IRF5: variants seen among roughly 807,000 people sequenced by gnomAD.
IRF5 encodes interferon regulatory factor 5.
Under a neutral mutation model 55.1 loss-of-function variants are expected in IRF5, and 24 were observed. That is an observed-to-expected ratio of 0.44 (90% CI 0.32 to 0.61). The LOEUF (loss-of-function observed/expected upper bound fraction) is 0.61. IRF5 is among the 20% of genes least tolerant of loss of function. IRF5 has a pLI of 0.07. For missense variants in IRF5, 499 were observed against 658.5 expected (o/e 0.76, Z 2.65); for synonymous variants, 258 against 260.2 (o/e 0.99, Z 0.08).
rs1796322434 is a variant in IRF5 at position 128,946,663 on chromosome 7, C to G, written c.447+101C>G. 3 of 780,008 alleles carry G rather than the reference C, an allele frequency of 3.8e-6. No individual in the cohort carries two copies. In the African/African-American group the frequency reaches 5.1e-5, roughly 13 times the overall value. The allele number at this position is 780,008 out of a possible 1,614,324, so 48.3% of individuals were successfully genotyped here. A position where few individuals can be genotyped will look rare whatever the true frequency, so the allele number is the denominator to read the frequency against. ...GCCCCACTCCCATGGAGCCCCGTGG[C>G]CCTCTCAATAGTTCTCCTTGTTTCT... On this transcript the variant is annotated intron_variant, in intron 4 of 8. Coordinates refer to ENST00000357234, the MANE Select transcript of IRF5 (RefSeq NM_001098629.3). The surrounding 1 kb of genome is among the most constrained non-coding windows in gnomAD (Gnocchi z 4.2).
chr7:128,942,242 G>A lies in IRF5; in HGVS notation c.161G>A (p.Gly54Asp). The A allele has an allele frequency of 1.9e-6, 3 of 1,613,756 alleles. No individual in the cohort carries two copies. The highest frequency in any genetic ancestry group is 2.5e-6 in the Non-Finnish European group (3 of 1,179,836). ...CCCTGGAGGCATGCCACAAGGCATGGTCCCAGCCAGGACGGAGATAACACC... is the reference window on the plus strand; with the variant it reads ...CCCTGGAGGCATGCCACAAGGCATGATCCCAGCCAGGACGGAGATAACACC... Reference protein sequence around the residue: ...CIPWRHATRHGPSQDGDNTIF... With the variant: ...CIPWRHATRHDPSQDGDNTIF... Residue 54 changes from glycine (G) to aspartate (D), a missense_variant, in exon 2 of 9, where the codon GGT becomes GAT. By Grantham distance (94) the Gly-to-Asp change is moderately conservative. This residue lies in a region of IRF5 where 305 missense variants were observed against 340.2 expected (regional missense o/e 0.90). Transcript: ENST00000357234.
At position 128,947,442 on chromosome 7, in the gene IRF5, G is replaced by C; in HGVS notation, c.694G>C (p.Glu232Gln). ...NPAGFRELLS[E>Q]VLEPGPLPAS... ...TGCTGGCTTCAGGGAGCTTCTCTCT[G>C]AGGTCCTGGAGCCTGGGCCCCTGCC... The change falls in exon 6 of 9, where the codon GAG (glutamate) becomes CAG (glutamine). Residue 232 changes from glutamate (E) to glutamine (Q), a missense_variant. This residue lies in a region of IRF5 where 305 missense variants were observed against 340.2 expected (regional missense o/e 0.90). Transcript: ENST00000357234. The surrounding 1 kb of genome is among the most constrained non-coding windows in gnomAD (Gnocchi z 6.5). 1.9e-6 allele frequency: 3 copies of C among 1,611,984 alleles called. No individual in the cohort carries two copies. The highest frequency in any genetic ancestry group is 2.5e-6 in the Non-Finnish European group (3 of 1,179,614).
In IRF5 at chr7:128,947,315, TCTGCGGCCGCCTACTCTGCAGCCGCCCAC is replaced by T. The variant is rs1554430148; in HGVS notation, c.568_596del (p.Leu190SerfsTer33). The T allele has an allele frequency of 7.2e-6, 3 of 415,070 alleles. No individual in the cohort carries two copies. Among genetic ancestry groups the T allele is most frequent in the Non-Finnish European group, 1.0e-5 (3 of 292,530 alleles). 25.7% of individuals were successfully genotyped at this position (415,070 alleles called of 1,614,324 possible). ...GGCCGCCCACTCTGCAGCCGCCCAC[TCTGCGGCCGCCTACTCTGCAGCCGCCCAC>T]TCTGCAGCCGCCCGTGGTGCTGGGT... On this transcript the variant is annotated frameshift_variant, in exon 6 of 9. Coordinates refer to ENST00000357234, the MANE Select transcript of IRF5 (RefSeq NM_001098629.3). LOFTEE classifies it high-confidence loss of function. The surrounding 1 kb of genome is among the most constrained non-coding windows in gnomAD (Gnocchi z 6.5).
At chr7:128,938,801 C>T (rs149190747) in intron 1 of IRF5, among the ~76,000 whole-genome samples, 1 of 152,152 alleles carries the variant, frequency 6.6e-6, no homozygotes, top group East Asian at 1.9e-4. Context: ...CTAGCATGGC[C>T]GGGATGCGTG....
chr7:128,941,906 C>T (rs989070222), intron 1 of IRF5, among the ~76,000 whole-genome samples, 165 bp from the exon 2 acceptor site: 1 of 152,242 alleles, frequency 6.6e-6, no homozygotes, highest in Non-Finnish European at 1.5e-5. Context: ...ACACAAAATT[C>T]CATGACACTA....
chr7:128,946,186 C>T lies in IRF5; in HGVS notation c.385+152C>T. ...GGGGCTCCCGCTAGGTCATGACACCCAGGGCTTCCAGGAGTGGCTGGGATG... is the reference window on the plus strand; with the variant it reads ...GGGGCTCCCGCTAGGTCATGACACCTAGGGCTTCCAGGAGTGGCTGGGATG... On this transcript the variant is annotated intron_variant, in intron 3 of 8. Transcript: ENST00000357234. The surrounding 1 kb of genome is among the most constrained non-coding windows in gnomAD (Gnocchi z 4.2). The T allele has an allele frequency of 1.3e-6, 1 of 770,140 alleles. No homozygotes were observed. The highest frequency in any genetic ancestry group is 2.0e-5 in the South Asian group (1 of 51,122). 47.7% of individuals were successfully genotyped at this position (770,140 alleles called of 1,614,324 possible).
chr7:128,947,465 G>A lies in IRF5; in HGVS notation c.717G>A (p.Leu239=). 1.2e-6 allele frequency: 2 copies of A among 1,610,356 alleles called. No homozygotes were observed. The highest frequency in any genetic ancestry group is 1.7e-6 in the Non-Finnish European group (2 of 1,178,958). Reference sequence around the variant, plus strand: ...CTGAGGTCCTGGAGCCTGGGCCCCTGCCTGCCAGCCTGCCCCCTGCAGGCG... The same window carrying A: ...CTGAGGTCCTGGAGCCTGGGCCCCTACCTGCCAGCCTGCCCCCTGCAGGCG... The part of the protein sequence containing the change: ...LLSEVLEPGP[L]PASLPPAGEQ... Residue 239 remains leucine (L), a synonymous_variant, in exon 6 of 9, where the codon CTG becomes CTA. Coordinates refer to ENST00000357234, the MANE Select transcript of IRF5 (RefSeq NM_001098629.3). The surrounding 1 kb of genome is among the most constrained non-coding windows in gnomAD (Gnocchi z 6.5).
intron 1 of IRF5, among the ~76,000 whole-genome samples, chr7:128,939,767 C>T (rs1212136979): frequency 1.3e-5 from 2 of 152,244 alleles, no homozygotes; most frequent in Non-Finnish European, 2.9e-5. Context: ...CTGGATGCTT[C>T]GCTGCCTCAC....
In IRF5 at chr7:128,947,699, G is replaced by GCTCA. The variant is rs530774487; in HGVS notation, c.788-30_788-29insCTCA. ...AGAATGGGGAGGCGTGGGGCTCAAG[G>GCTCA]ACGGGATGGGCCTGCCTTCTGCCCC... On this transcript the variant is annotated intron_variant, in intron 6 of 8. Coordinates refer to ENST00000357234, the MANE Select transcript of IRF5 (RefSeq NM_001098629.3). The surrounding 1 kb of genome is among the most constrained non-coding windows in gnomAD (Gnocchi z 6.5). The GCTCA allele has an allele frequency of 5.6e-5, 87 of 1,564,264 alleles. 3 individuals are homozygous for GCTCA. The highest frequency in any genetic ancestry group is 5.5e-4 in the South Asian group (47 of 85,178).
chr7:128,948,876 G>A lies in IRF5; in HGVS notation c.*58G>A. The A allele has an allele frequency of 6.4e-7, 1 of 1,566,484 alleles. No individual in the cohort carries two copies. The highest frequency in any genetic ancestry group is 8.6e-7 in the Non-Finnish European group (1 of 1,161,696). On this transcript the variant is annotated 3_prime_UTR_variant, in exon 9 of 9. Coordinates refer to ENST00000357234, the MANE Select transcript of IRF5 (RefSeq NM_001098629.3). This position sits in a 1 kb window ranked among gnomAD's most constrained non-coding sequence, Gnocchi z 4.6. ...CTGGGTGGCGGTGCGGACTGATGTG[G>A]AGATGTGACAGCCCCGATGAGCACC...
Position 128,948,243 on chromosome 7 carries a change from C to T in IRF5, c.1214C>T (p.Thr405Ile), listed in dbSNP as rs554813398. ...LILFQKGQTN[T>I]PPPFEIFFCF... Reference sequence around the variant, plus strand: ...CTGTTCCAAAAGGGCCAGACCAACACCCCACCACCCTTCGAGATCTTCTTC... The same window carrying T: ...CTGTTCCAAAAGGGCCAGACCAACATCCCACCACCCTTCGAGATCTTCTTC... The change falls in exon 8 of 9, where the codon ACC (threonine) becomes ATC (isoleucine). Residue 405 changes from threonine to isoleucine, a missense_variant. Thr to Ile is a moderately conservative substitution (Grantham distance 89). Around this residue, in one of 2 missense-constraint regions of IRF5, gnomAD observed 194 missense variants for 318.3 expected, o/e 0.61. Coordinates refer to ENST00000357234, the MANE Select transcript of IRF5 (RefSeq NM_001098629.3). The surrounding 1 kb of genome is among the most constrained non-coding windows in gnomAD (Gnocchi z 4.6). The T allele has an allele frequency of 6.2e-7, 1 of 1,613,646 alleles. No homozygotes were observed. Among genetic ancestry groups the T allele is most frequent in the African/African-American group, 1.3e-5 (1 of 75,006 alleles).
chr7:128,942,270 C>G lies in IRF5; in HGVS notation c.189C>G (p.Ile63Met). 1 of 1,611,146 alleles carries G rather than the reference C, an allele frequency of 6.2e-7. No homozygotes were observed. Among genetic ancestry groups the G allele is most frequent in the Non-Finnish European group, 8.5e-7 (1 of 1,178,196 alleles). Residue 63 changes from isoleucine to methionine, a missense_variant, in exon 2 of 9, where the codon ATC (isoleucine) becomes ATG (methionine). Physicochemically the swap from Ile to Met is conservative, Grantham distance 10. Transcript: ENST00000357234. ...CCAGCCAGGACGGAGATAACACCAT[C>G]TTCAAGGTAAGCCCCGGGGAGGAGG... ...HGPSQDGDNT[I>M]FKAWAKETGK...
chr7:128,945,783 G>A (rs1458740341), intron 2 of IRF5, 62 bp from the exon 3 acceptor site: 14 of 1,520,948 alleles, frequency 9.2e-6, no homozygotes, highest in Admixed American at 4.2e-5. Flanking sequence ...TGGGACAGGA[G>A]GCAGACTGGG....
rs1796058167 is a variant in IRF5, at chr7:128,942,121, C to T, written c.40C>T (p.Arg14Cys). The T allele has an allele frequency of 1.2e-6, 2 of 1,612,228 alleles. No individual in the cohort carries two copies. Among genetic ancestry groups the T allele is most frequent in the African/African-American group, 1.3e-5 (1 of 74,908 alleles). Residue 14 changes from arginine to cysteine, a missense_variant, in exon 2 of 9, where the codon CGC (arginine) becomes TGC (cysteine). Coordinates refer to ENST00000357234, the MANE Select transcript of IRF5 (RefSeq NM_001098629.3). Reference protein sequence around the residue: ...SIPVAPTPPRRVRLKPWLVAQ... With the variant: ...SIPVAPTPPRCVRLKPWLVAQ... The stretch of plus-strand genomic sequence containing the variant: ...CCCAGTGGCTCCCACCCCACCCCGC[C>T]GCGTGCGGCTGAAGCCCTGGCTGGT...
In IRF5 at chr7:128,949,029, C is replaced by A; in HGVS notation, c.*211C>A. The A allele has an allele frequency of 1.7e-6, 1 of 600,610 alleles. No homozygotes were observed. Among genetic ancestry groups the A allele is most frequent in the East Asian group, 2.9e-5 (1 of 34,926 alleles). The allele number at this position is 600,610 out of a possible 1,614,324, so 37.2% of individuals were successfully genotyped here. ...CCTGGGCTGTCTCTGGTCTGGTCAG[C>A]CTGGCTCTCGGGAAATTCAGCCATG... On this transcript the variant is annotated 3_prime_UTR_variant, in exon 9 of 9. Coordinates refer to ENST00000357234, the MANE Select transcript of IRF5 (RefSeq NM_001098629.3).
chr7:128,938,650 G>A (rs1050896680), intron 1 of IRF5, among the ~76,000 whole-genome samples: 10 of 152,190 alleles, frequency 6.6e-5, no homozygotes, highest in African/African-American at 2.4e-4. Flanking sequence ...CCCTGGGCTC[G>A]CGGCCGGGAA....
Position 128,947,807 on chromosome 7 carries a change from G to T in IRF5, c.866G>T (p.Arg289Leu), listed in dbSNP as rs775692797. The T allele has an allele frequency of 1.2e-6, 2 of 1,613,644 alleles. No individual in the cohort carries two copies. The highest frequency in any genetic ancestry group is 1.1e-5 in the South Asian group (1 of 91,072). ...ACCATCAGCAACCCCCATGGCTGCCGGCTCTTCTACAGCCAGCTGGAGGCC... is the reference window on the plus strand; with the variant it reads ...ACCATCAGCAACCCCCATGGCTGCCTGCTCTTCTACAGCCAGCTGGAGGCC... ...ALTISNPHGC[R>L]LFYSQLEATQ... The change falls in exon 7 of 9, where the codon CGG (arginine) becomes CTG (leucine). Residue 289 changes from arginine (R) to leucine (L), a missense_variant. Transcript: ENST00000357234. The surrounding 1 kb of genome is among the most constrained non-coding windows in gnomAD (Gnocchi z 6.5).
intron 2 of IRF5, 85 bp from the exon 3 acceptor site, chr7:128,945,760 G>A: frequency 7.4e-7 from 1 of 1,357,700 alleles, no homozygotes; most frequent in South Asian, 1.3e-5. Flanking sequence ...TCCCCACACA[G>A]TAGAGTCTCC....
At position 128,945,840 on chromosome 7, in the gene IRF5, C is replaced by T; in HGVS notation, c.196-5C>T. ...TCTGTGGTCGGCTATTTCTTCCTGC[C>T]CCAGGCCTGGGCCAAGGAGACAGGG... On this transcript the variant is annotated splice_region_variant and splice_polypyrimidine_tract_variant and intron_variant, in intron 2 of 8. Coordinates refer to ENST00000357234, the MANE Select transcript of IRF5 (RefSeq NM_001098629.3). 6.2e-7 allele frequency: 1 copy of T among 1,601,556 alleles called. No homozygotes were observed. Among genetic ancestry groups the T allele is most frequent in the South Asian group, 1.1e-5 (1 of 90,200 alleles).
Sources: allele counts gnomAD v4.1 joint callset (sites outside exome capture counted in the v4.1 genomes callset), GRCh38; gene constraint gnomAD v4.1.1; regional missense constraint gnomAD v4.1.1; non-coding constraint Gnocchi (gnomAD v3.1); transcripts MANE v1.5; gene names NCBI Gene and HGNC (gene_info 2026-07-23, HGNC 2026-07-21).